The following GNA14 variants were observed in gnomAD, a reference collection of about 807,000 sequenced individuals.
GNA14 encodes the protein guanine nucleotide-binding protein subunit alpha-14.
Under a neutral mutation model 42.0 loss-of-function variants are expected in GNA14, and 50 were observed. The observed-to-expected ratio is 1.19, with a 90% CI of 0.95 to 1.51. The LOEUF is 1.51. Ranked by LOEUF, GNA14 falls within the 40% of genes most tolerant of loss-of-function variation. The pLI is 0.00. For synonymous variants in GNA14, 173 were observed against 163.1 expected (o/e 1.06, Z -0.46); for missense variants, 473 against 446.2 (o/e 1.06, Z -0.54).
chr9:77,516,249 T>G (rs1837255544), intron 2 of GNA14, among the ~76,000 whole-genome samples: 1 of 152,232 alleles, frequency 6.6e-6, no homozygotes, highest in African/African-American at 2.4e-5. Flanking sequence ...ATTCATTTCA[T>G]TCGTATAACA....
intron 2 of GNA14, among the ~76,000 whole-genome samples, chr9:77,493,720 A>T (rs973570825): frequency 6.6e-6 from 1 of 152,064 alleles, no homozygotes; most frequent in Non-Finnish European, 1.5e-5. Context: ...TCTTTTTCTG[A>T]GAAAAGCTCT....
At chr9:77,584,534 A>G (rs62574863) in intron 1 of GNA14, among the ~76,000 whole-genome samples, 70 of 145,854 alleles carry the variant, frequency 4.8e-4, no homozygotes, top group Non-Finnish European at 8.7e-4. Flanking sequence ...ACCCCAACCA[A>G]TATTTCAGCT....
intron 1 of GNA14, among the ~76,000 whole-genome samples, chr9:77,596,571 T>C (rs1772922): frequency 0.64 from 96,741 of 151,862 alleles, 32,923 homozygotes; most frequent in East Asian, 0.83. Flanking sequence ...GTTGGGGGCA[T>C]ATGTCAGGTG....
intron 2 of GNA14, among the ~76,000 whole-genome samples, chr9:77,465,597 A>G (rs1485110109): frequency 6.6e-6 from 1 of 152,082 alleles, no homozygotes; most frequent in Non-Finnish European, 1.5e-5. Flanking sequence ...CCCATTTTTT[A>G]TTCCCACCAT....
chr9:77,609,722 G>A (rs1320016321), intron 1 of GNA14, among the ~76,000 whole-genome samples: 6 of 152,132 alleles, frequency 3.9e-5, no homozygotes, highest in Non-Finnish European at 8.8e-5. Flanking sequence ...CCTTATTGCT[G>A]TATCCTCTGT....
chr9:77,450,821 G>A (rs1275015127), intron 2 of GNA14, among the ~76,000 whole-genome samples: 1 of 151,966 alleles, frequency 6.6e-6, no homozygotes, highest in East Asian at 1.9e-4. Flanking sequence ...GAATCATGGG[G>A]GTGGGTTTTT....
rs1823835060 is a variant in GNA14 at position 77,617,086 on chromosome 9, G to T, written c.124+30584C>A. 2.0e-5 allele frequency among the ~76,000 whole-genome samples: 3 copies of T among 151,938 alleles called. No homozygotes were observed. In the South Asian group the frequency reaches 6.2e-4, roughly 32 times the overall value. On this transcript the variant is annotated intron_variant, in intron 1 of 6. Coordinates refer to ENST00000341700, the MANE Select transcript of GNA14 (RefSeq NM_004297.4). ...AGGGTTTCACCATGTTAGCCAGGAT[G>T]GTCTCGATCTCCTGATCTCACAATC...
chr9:77,603,935 C>T lies in GNA14; in HGVS notation c.124+43735G>A, dbSNP rs553045564. Among the ~76,000 whole-genome samples, 44 of 99,750 alleles carry T rather than the reference C, an allele frequency of 4.4e-4. No individual in the cohort carries two copies. The East Asian group carries it at 0.011, about 26-fold the overall frequency. 65.4% of individuals were successfully genotyped at this position (99,750 alleles called of 152,430 possible). ...CTCCAGCCTGGGAGACAGAGTAAGA[C>T]TCCATCTCAAAAAAAAAAAACAAAA... On this transcript the variant is annotated intron_variant, in intron 1 of 6. Coordinates refer to ENST00000341700, the MANE Select transcript of GNA14 (RefSeq NM_004297.4).
chr9:77,627,139 T>C (rs2117993066), intron 1 of GNA14, among the ~76,000 whole-genome samples: 3 of 152,090 alleles, frequency 2.0e-5, no homozygotes, highest in Admixed American at 2.0e-4. Context: ...CTAGAAGAAA[T>C]TCATAAATTC....
chr9:77,471,919 A>G (rs1836337414), intron 2 of GNA14, among the ~76,000 whole-genome samples: 1 of 152,206 alleles, frequency 6.6e-6, no homozygotes, highest in South Asian at 2.1e-4. Context: ...AAGATAAAAT[A>G]TGTATTAACT....
intron 1 of GNA14, among the ~76,000 whole-genome samples, chr9:77,557,198 G>T (rs1822798921): frequency 6.6e-6 from 1 of 152,132 alleles, no homozygotes; most frequent in Non-Finnish European, 1.5e-5. Context: ...ATGAATTAAT[G>T]AATAAGTGAA....
chr9:77,636,764 C>T (rs1164392599), intron 1 of GNA14, among the ~76,000 whole-genome samples: 4 of 152,198 alleles, frequency 2.6e-5, no homozygotes, highest in Non-Finnish European at 4.4e-5. Flanking sequence ...TCTGACCCGA[C>T]GACCTAAACA....
At chr9:77,439,376 C>G (rs768004617) in intron 2 of GNA14, among the ~76,000 whole-genome samples, 2 of 152,318 alleles carry the variant, frequency 1.3e-5, no homozygotes, top group African/African-American at 2.4e-5. Flanking sequence ...CAGTGGCTCA[C>G]GCCTGTTTTC....
At chr9:77,549,442 A>G (rs1253049223) in intron 1 of GNA14, among the ~76,000 whole-genome samples, 1 of 152,174 alleles carries the variant, frequency 6.6e-6, no homozygotes, top group African/African-American at 2.4e-5. Flanking sequence ...AGCTAGAACT[A>G]TCACTTGACT....
Position 77,426,006 on chromosome 9 carries a change from C to T in GNA14, c.724-291G>A, listed in dbSNP as rs576940555. Among the ~76,000 whole-genome samples the T allele has an allele frequency of 8.5e-5, 13 of 152,302 alleles. No individual in the cohort carries two copies. In the South Asian group the frequency reaches 2.5e-3, roughly 29 times the overall value. On this transcript the variant is annotated intron_variant, in intron 5 of 6. Transcript: ENST00000341700. Reference sequence around the variant, plus strand: ...CGAAGTAAGAAAGGCTTTGGTGCAGCTTGGAAAAGGAAGGTTCCTACCCAC... The same window carrying T: ...CGAAGTAAGAAAGGCTTTGGTGCAGTTTGGAAAAGGAAGGTTCCTACCCAC...
intron 4 of GNA14, among the ~76,000 whole-genome samples, chr9:77,429,539 C>CCT (rs1167126959): frequency 2.0e-5 from 3 of 149,118 alleles, no homozygotes; most frequent in Non-Finnish European, 4.5e-5. Context: ...CTACAAGTGT[C>CCT]CTCTGTCCAG....
rs58090921 is a variant in GNA14, at chr9:77,536,987, G to A, written c.125-7734C>T. 6.6e-3 allele frequency among the ~76,000 whole-genome samples: 1,000 copies of A among 151,802 alleles called. 13 individuals carry two copies. Among genetic ancestry groups the A allele is most frequent in the African/African-American group, 0.022 (924 of 41,330 alleles). On this transcript the variant is annotated intron_variant, in intron 1 of 6. Coordinates refer to ENST00000341700, the MANE Select transcript of GNA14 (RefSeq NM_004297.4). Reference sequence around the variant, plus strand: ...TACAAAGTATTTTACATATTTATGGGGTACCTATGAATATCTGTTACATGC... The same window carrying A: ...TACAAAGTATTTTACATATTTATGGAGTACCTATGAATATCTGTTACATGC...
intron 2 of GNA14, among the ~76,000 whole-genome samples, chr9:77,491,829 C>T (rs377168396): frequency 1.1e-4 from 16 of 152,184 alleles, no homozygotes; most frequent in African/African-American, 3.9e-4. Flanking sequence ...CTGACATTTA[C>T]AGAACATTTC....
chr9:77,571,024 T>C (rs560400055), intron 1 of GNA14, among the ~76,000 whole-genome samples: 18 of 152,282 alleles, frequency 1.2e-4, no homozygotes, highest in Admixed American at 3.9e-4. Context: ...TACTCTATGA[T>C]AGAGGTATTA....
Sources: allele counts gnomAD v4.1 joint callset (sites outside exome capture counted in the v4.1 genomes callset), GRCh38; gene constraint gnomAD v4.1.1; transcripts MANE v1.5; gene names NCBI Gene and HGNC (gene_info 2026-07-23, HGNC 2026-07-21).